CDC14A: variants seen among roughly 807,000 people sequenced by gnomAD.
CDC14A encodes the protein cell division cycle 14A, also known as dual specificity protein phosphatase CDC14A.
Under a neutral mutation model 74.4 loss-of-function variants are expected in CDC14A, and 53 were observed. The observed-to-expected ratio is 0.71, with a 90% CI of 0.57 to 0.89. The LOEUF (loss-of-function observed/expected upper bound fraction) is 0.89, where lower values mean the gene tolerates loss of function less well. Ranked by LOEUF, CDC14A falls within the 40% of genes least tolerant of loss-of-function variation. The pLI is 0.00. For missense variants in CDC14A, 646 were observed against 713.7 expected (o/e 0.91, Z 1.08); for synonymous variants, 247 against 258.4 (o/e 0.96, Z 0.43).
intron 15 of CDC14A, among the ~76,000 whole-genome samples, chr1:100,516,108 T>C (rs1414864320): frequency 1.4e-4 from 22 of 152,256 alleles, no homozygotes; most frequent in Admixed American, 1.4e-3. Flanking sequence ...TTTTGAGCTC[T>C]GTGGAAGTAA....
chr1:100,374,119 A>G (rs1654888790), intron 2 of CDC14A, among the ~76,000 whole-genome samples: 1 of 152,138 alleles, frequency 6.6e-6, no homozygotes, highest in Non-Finnish European at 1.5e-5. Context: ...CCATGTCCCT[A>G]CAAAGGACAT....
intron 10 of CDC14A, among the ~76,000 whole-genome samples, chr1:100,481,533 G>C (rs1222225952): frequency 6.6e-6 from 1 of 152,066 alleles, no homozygotes; most frequent in African/African-American, 2.4e-5. Context: ...ACCTGTGAAG[G>C]CTCTAGATCA....
chr1:100,456,911 A>G (rs1257649747), intron 8 of CDC14A, among the ~76,000 whole-genome samples: 1 of 152,198 alleles, frequency 6.6e-6, no homozygotes, highest in African/African-American at 2.4e-5. Flanking sequence ...AGCTTGCTAA[A>G]TAATCTTTTT....
At chr1:100,458,785 T>C (rs1443894148) in intron 8 of CDC14A, among the ~76,000 whole-genome samples, 1 of 151,520 alleles carries the variant, frequency 6.6e-6, no homozygotes, top group Non-Finnish European at 1.5e-5. Flanking sequence ...TTTAAAGAAG[T>C]GATCAAGTAG....
chr1:100,443,477 A>T (rs369604745), intron 7 of CDC14A, among the ~76,000 whole-genome samples: 7 of 150,944 alleles, frequency 4.6e-5, no homozygotes, highest in African/African-American at 1.7e-4. Flanking sequence ...CTGGAATTAC[A>T]GGTGCATGCC....
chr1:100,475,963 C>A (rs1005973003), intron 10 of CDC14A, among the ~76,000 whole-genome samples: 4 of 152,144 alleles, frequency 2.6e-5, no homozygotes, highest in Non-Finnish European at 4.4e-5. Context: ...TAAAGGGGTG[C>A]CTACCTATAG....
intron 10 of CDC14A, among the ~76,000 whole-genome samples, chr1:100,474,570 C>T (rs1177641441): frequency 6.8e-6 from 1 of 148,026 alleles, no homozygotes; most frequent in Non-Finnish European, 1.5e-5. Context: ...GGAATTAGTC[C>T]GTTTCATCTA....
chr1:100,396,810 G>A (rs968402774), intron 4 of CDC14A, among the ~76,000 whole-genome samples: 1 of 152,128 alleles, frequency 6.6e-6, no homozygotes, highest in African/African-American at 2.4e-5. Flanking sequence ...CCATCTTGTG[G>A]CACTTTTGGT....
At chr1:100,441,650 GT>G (rs35544438) in intron 6 of CDC14A, among the ~76,000 whole-genome samples, 3,194 of 138,454 alleles carry the variant, frequency 0.023, 113 homozygotes, top group African/African-American at 0.077. Context: ...GATGAACTCA[GT>G]TTTTTTTTTT....
chr1:100,453,563 C>G lies in CDC14A; in HGVS notation c.520-1842C>G, dbSNP rs17122547. On this transcript the variant is annotated intron_variant, in intron 7 of 15. Transcript: ENST00000336454. Reference sequence around the variant, plus strand: ...TTATTTAAGTTGTTATAAATAGAAGCTATGCTTGAGGTTTAATTTCACATG... The same window carrying G: ...TTATTTAAGTTGTTATAAATAGAAGGTATGCTTGAGGTTTAATTTCACATG... Among the ~76,000 whole-genome samples, 891 of 152,210 alleles carry G rather than the reference C, an allele frequency of 5.9e-3. 16 individuals carry two copies. The highest frequency in any genetic ancestry group is 0.021 in the African/African-American group (864 of 41,554).
chr1:100,383,495 C>T (rs890941597), intron 3 of CDC14A: 3 of 152,598 alleles, frequency 2.0e-5, no homozygotes, highest in South Asian at 4.1e-4. Context: ...GTATTCCTTT[C>T]CTGAGAAAGT....
At chr1:100,513,064 A>G (rs1649914908) in intron 15 of CDC14A, among the ~76,000 whole-genome samples, 1 of 152,186 alleles carries the variant, frequency 6.6e-6, no homozygotes, top group South Asian at 2.1e-4. Context: ...AATAAAAAAT[A>G]AAAAATACTT....
intron 5 of CDC14A, among the ~76,000 whole-genome samples, chr1:100,429,724 TTA>T (rs1223734524): frequency 7.0e-6 from 1 of 143,536 alleles, no homozygotes; most frequent in Non-Finnish European, 1.5e-5. Context: ...TATATATATA[TTA>T]TATATATATC....
At chr1:100,491,044 A>G (rs1051088353) in intron 11 of CDC14A, among the ~76,000 whole-genome samples, 4 of 152,210 alleles carry the variant, frequency 2.6e-5, no homozygotes, top group African/African-American at 9.7e-5. Flanking sequence ...ATAAGTCTTC[A>G]TAAACCATGT....
chr1:100,491,366 CTTTTGATGGTAAATA>C (rs1670596854), intron 11 of CDC14A, among the ~76,000 whole-genome samples: 1 of 151,282 alleles, frequency 6.6e-6, no homozygotes, highest in Admixed American at 6.6e-5. Flanking sequence ...ATGTGTGTTG[CTTTTGATGGTAAATA>C]TATAGGTGGT....
At chr1:100,435,454 T>G (rs1664208814) in intron 5 of CDC14A, among the ~76,000 whole-genome samples, 1 of 151,978 alleles carries the variant, frequency 6.6e-6, no homozygotes, top group Non-Finnish European at 1.5e-5. Context: ...CTTTTTGGGG[T>G]AGTAAAAATA....
chr1:100,400,442 C>A (rs1391762022), intron 4 of CDC14A, among the ~76,000 whole-genome samples: 1 of 152,094 alleles, frequency 6.6e-6, no homozygotes, highest in African/African-American at 2.4e-5. Context: ...AGTGTTCTGT[C>A]ATCCTTCTCT....
intron 8 of CDC14A, among the ~76,000 whole-genome samples, chr1:100,458,880 T>C (rs1054794017): frequency 2.6e-5 from 4 of 152,144 alleles, no homozygotes; most frequent in African/African-American, 9.7e-5. Context: ...TGTGTGTTTG[T>C]GTCAATAGGG....
intron 5 of CDC14A, 87 bp from the exon 6 acceptor site, chr1:100,439,845 A>T: frequency 2.3e-6 from 2 of 885,098 alleles, no homozygotes; most frequent in Non-Finnish European, 3.8e-6. Context: ...CCAAACAAGC[A>T]CATCTCCAGC....
Sources: gnomAD v4.1 joint callset for allele counts (sites outside exome capture counted in the v4.1 genomes callset) on GRCh38, gnomAD v4.1.1 for gene constraint, MANE v1.5 for transcripts, NCBI Gene and HGNC (gene_info 2026-07-23, HGNC 2026-07-21) for gene names.